RAP1GAP2: variants seen among roughly 807,000 people sequenced by gnomAD.
RAP1GAP2 encodes RAP1 GTPase activating protein 2.
RAP1GAP2 carries 27 observed loss-of-function variants against 95.0 expected under a neutral mutation model. The observed-to-expected ratio is 0.28, with a 90% CI of 0.21 to 0.39. The LOEUF (loss-of-function observed/expected upper bound fraction) is 0.39. Among genes scored for constraint, RAP1GAP2 ranks in the 10% least tolerant of loss-of-function variants. The probability of loss-of-function intolerance (pLI) is 1.00; values close to 1 mark genes in which losing one functional copy is unlikely to be tolerated. For synonymous variants in RAP1GAP2, 373 were observed against 380.9 expected (o/e 0.98, Z 0.24); for missense variants, 771 against 970.0 (o/e 0.79, Z 2.72).
At chr17:2,813,174 C>T (rs1450531598) in intron 2 of RAP1GAP2, among the ~76,000 whole-genome samples, 3 of 151,346 alleles carry the variant, frequency 2.0e-5, no homozygotes, top group Admixed American at 6.6e-5. Context: ...CAGGTTCAAG[C>T]GATTTCTCCT....
In RAP1GAP2 at chr17:2,965,660, G is replaced by A. The variant is rs1299431919; in HGVS notation, c.596+17G>A. ...CATCCTTAGGTAGGGCTGTTGCGCTGCTTGAGGCCACTTCTCTTCCAGGCA... is the reference window on the plus strand; with the variant it reads ...CATCCTTAGGTAGGGCTGTTGCGCTACTTGAGGCCACTTCTCTTCCAGGCA... On this transcript the variant is annotated intron_variant, in intron 8 of 24. Transcript: ENST00000254695. This position sits in a 1 kb window ranked among gnomAD's most constrained non-coding sequence, Gnocchi z 4.7. The A allele has an allele frequency of 5.8e-6, 9 of 1,539,230 alleles. No individual in the cohort carries two copies. The highest frequency in any genetic ancestry group is 2.3e-5 in the South Asian group (2 of 86,478).
chr17:2,963,551 C>A lies in RAP1GAP2; in HGVS notation c.279+89C>A. On this transcript the variant is annotated intron_variant, in intron 6 of 24. Coordinates refer to ENST00000254695, the MANE Select transcript of RAP1GAP2 (RefSeq NM_015085.5). The surrounding 1 kb of genome is among the most constrained non-coding windows in gnomAD (Gnocchi z 4.8). ...ATGATGGCGATGGCCTGTGCCCAGC[C>A]CCCCAGGGGAGAGAACCTTGGGCCT... 5 of 1,545,006 alleles carry A rather than the reference C, an allele frequency of 3.2e-6. No homozygotes were observed. The highest frequency in any genetic ancestry group is 4.5e-6 in the Non-Finnish European group (5 of 1,119,158).
In RAP1GAP2 at chr17:2,998,334, C is replaced by T. The variant is rs776329170; in HGVS notation, c.1158C>T (p.Val386=). 2.4e-5 allele frequency: 38 copies of T among 1,614,032 alleles called. No individual in the cohort carries two copies. The highest frequency in any genetic ancestry group is 3.3e-5 in the South Asian group (3 of 91,090). ...CCAATTTCTTACATGCCTACATCGT[C>T]GTGCAGGTCGAGACCCCAGGCACAG... The part of the protein sequence containing the change: ...IASNFLHAYI[V]VQVETPGTET... Residue 386 remains valine (V), a synonymous_variant, in exon 14 of 25, where the codon GTC becomes GTT. Coordinates refer to ENST00000254695, the MANE Select transcript of RAP1GAP2 (RefSeq NM_015085.5).
intron 2 of RAP1GAP2, among the ~76,000 whole-genome samples, chr17:2,862,725 C>T (rs1283687469): frequency 6.6e-6 from 1 of 152,120 alleles, no homozygotes; most frequent in African/African-American, 2.4e-5. Context: ...GGGCTGTGCA[C>T]AGTGGCTCAC....
chr17:2,779,911 G>A (rs963095076), intron 1 of RAP1GAP2, among the ~76,000 whole-genome samples: 3 of 151,888 alleles, frequency 2.0e-5, no homozygotes, highest in Non-Finnish European at 4.4e-5. Flanking sequence ...GATTCACAGC[G>A]TCTGGGGTGG....
intron 2 of RAP1GAP2, among the ~76,000 whole-genome samples, chr17:2,875,944 G>GT (rs35435061): frequency 0.25 from 36,714 of 144,858 alleles, 4,750 homozygotes; most frequent in South Asian, 0.4. Flanking sequence ...TTGTTTGTTT[G>GT]TTTTTTTTTT....
chr17:2,771,492 T>C (rs1017611886), intron 2 of RAP1GAP2, among the ~76,000 whole-genome samples: 3 of 148,632 alleles, frequency 2.0e-5, no homozygotes, highest in African/African-American at 7.6e-5. Context: ...TTTTGTTTTT[T>C]TTTTTTGTTT....
chr17:2,959,562 T>C (rs551945525), intron 4 of RAP1GAP2, among the ~76,000 whole-genome samples: 1 of 152,248 alleles, frequency 6.6e-6, no homozygotes. Context: ...GGGCTCCATC[T>C]CTCTTCATCT....
intron 1 of RAP1GAP2, among the ~76,000 whole-genome samples, chr17:2,783,537 C>A (rs770827759): frequency 1.3e-5 from 2 of 152,216 alleles, no homozygotes; most frequent in African/African-American, 4.8e-5. Context: ...GTCTCTTACA[C>A]AACAGGGACT....
intron 2 of RAP1GAP2, among the ~76,000 whole-genome samples, chr17:2,828,033 T>G (rs1409768911): frequency 6.6e-6 from 1 of 152,024 alleles, no homozygotes; most frequent in Admixed American, 6.6e-5. Flanking sequence ...AAAACTAGTT[T>G]GGGTCTTAGA....
chr17:2,776,287 G>A (rs998515421), upstream of RAP1GAP2, among the ~76,000 whole-genome samples: 2 of 152,326 alleles, frequency 1.3e-5, no homozygotes, highest in Admixed American at 1.3e-4. Flanking sequence ...CCCGCGCAAC[G>A]CAGAGCTAGA....
intron 17 of RAP1GAP2, among the ~76,000 whole-genome samples, chr17:3,014,550 T>G (rs1197601020): frequency 5.8e-5 from 1 of 17,140 alleles, no homozygotes; most frequent in African/African-American, 2.4e-4. Flanking sequence ...TGCTGATTTT[T>G]TTTTTTTTTT....
upstream of RAP1GAP2, among the ~76,000 whole-genome samples, chr17:2,776,823 CGGAGGAGGAGGAGGAGGA>C (rs372983882): frequency 1.2e-4 from 17 of 144,030 alleles, no homozygotes; most frequent in African/African-American, 3.1e-4. Flanking sequence ...CCCGCCGCCC[CGGAGGAGGAGGAGGAGGA>C]GGAGGAGGAG....
At chr17:2,985,660 C>G (rs995283262) in intron 11 of RAP1GAP2, among the ~76,000 whole-genome samples, 3 of 152,184 alleles carry the variant, frequency 2.0e-5, no homozygotes, top group African/African-American at 7.2e-5. Flanking sequence ...TTTTGTAGCC[C>G]TCACACGTTG....
At chr17:3,013,272 A>G (rs952580944) in intron 17 of RAP1GAP2, among the ~76,000 whole-genome samples, 2 of 152,222 alleles carry the variant, frequency 1.3e-5, no homozygotes, top group African/African-American at 4.8e-5. Context: ...GGTGGAGCAC[A>G]GCAGGGCCCC....
intron 3 of RAP1GAP2, among the ~76,000 whole-genome samples, chr17:2,949,956 C>G (rs959459597): frequency 2.0e-4 from 31 of 152,232 alleles, no homozygotes; most frequent in African/African-American, 7.2e-4. Flanking sequence ...CAGCACGTTG[C>G]TCATGGCTGA....
chr17:2,980,500 A>C (rs928152705), intron 9 of RAP1GAP2, 135 bp downstream of exon 9: 2 of 837,262 alleles, frequency 2.4e-6, no homozygotes, highest in African/African-American at 3.4e-5. Flanking sequence ...TTGGCCATTG[A>C]CTGCACTGAT....
At chr17:2,919,545 C>T (rs2042680545) in intron 3 of RAP1GAP2, among the ~76,000 whole-genome samples, 1 of 151,774 alleles carries the variant, frequency 6.6e-6, no homozygotes, top group East Asian at 1.9e-4. Context: ...TTGTGGGGAA[C>T]ACGGGAAGTG....
At chr17:2,946,847 C>T (rs1037741905) in intron 3 of RAP1GAP2, among the ~76,000 whole-genome samples, 9 of 152,278 alleles carry the variant, frequency 5.9e-5, no homozygotes, top group Non-Finnish European at 1.3e-4. Flanking sequence ...CTCCACCCCC[C>T]GGGTTCAAGT....
Sources: allele counts gnomAD v4.1 joint callset (sites outside exome capture counted in the v4.1 genomes callset), GRCh38; gene constraint gnomAD v4.1.1; non-coding constraint Gnocchi (gnomAD v3.1); transcripts MANE v1.5; gene names NCBI Gene and HGNC (gene_info 2026-07-23, HGNC 2026-07-21).